DENND1A: variants seen among roughly 807,000 people sequenced by gnomAD.
DENND1A encodes the protein DENN domain containing 1A.
DENND1A carries 51 observed loss-of-function variants against 113.7 expected under a neutral mutation model. That is an observed-to-expected ratio of 0.45 (90% CI 0.36 to 0.57). DENND1A has a LOEUF of 0.57. Ranked by LOEUF, DENND1A falls within the 20% of genes least tolerant of loss-of-function variation. The pLI is 0.00. For synonymous variants in DENND1A, 565 were observed against 570.8 expected, an observed-to-expected ratio of 0.99 and a Z score of 0.14; for missense variants, 1,258 against 1,395.9, an observed-to-expected ratio of 0.90 and a Z score of 1.57.
chr9:123,481,003 A>C (rs1046127431), intron 13 of DENND1A, among the ~76,000 whole-genome samples: 2 of 152,244 alleles, frequency 1.3e-5, no homozygotes, highest in African/African-American at 4.8e-5. Context: ...CATAGAATGC[A>C]CTTCACACTG....
At chr9:123,488,251 C>T (rs950194738) in intron 13 of DENND1A, among the ~76,000 whole-genome samples, 59 of 152,336 alleles carry the variant, frequency 3.9e-4, no homozygotes, top group African/African-American at 1.4e-3. Flanking sequence ...TTCCCCCTCC[C>T]CCAGCTGCCT....
chr9:123,671,255 C>T (rs537162879), intron 7 of DENND1A, 36 bp downstream of exon 7: 36 of 1,609,548 alleles, frequency 2.2e-5, no homozygotes, highest in Non-Finnish European at 2.8e-5. Flanking sequence ...TAATGAAATG[C>T]GTTTTCAGTG....
Position 123,764,860 on chromosome 9 carries a change from C to T in DENND1A, c.182+4654G>A, listed in dbSNP as rs1313582326. On this transcript the variant is annotated intron_variant, in intron 4 of 23. Coordinates refer to ENST00000394215, the MANE Select transcript of DENND1A (RefSeq NM_001352964.2). This position sits in a 1 kb window ranked among gnomAD's most constrained non-coding sequence, Gnocchi z 4.1. The stretch of plus-strand genomic sequence containing the variant: ...GTAAAACCAAAACCAAAACCCAGAT[C>T]TCCTGCTTGCTGCCTACAATAGTCT... Among the ~76,000 whole-genome samples the T allele has an allele frequency of 1.3e-5, 2 of 152,180 alleles. No homozygotes were observed. Among genetic ancestry groups the T allele is most frequent in the African/African-American group, 4.8e-5 (2 of 41,454 alleles).
chr9:123,799,605 A>T (rs1383245929), intron 2 of DENND1A, among the ~76,000 whole-genome samples: 1 of 152,222 alleles, frequency 6.6e-6, no homozygotes, highest in African/African-American at 2.4e-5. Context: ...GGCTCATCCC[A>T]TAACACGGCA....
chr9:123,393,692 G>A (rs2042970304), intron 21 of DENND1A, among the ~76,000 whole-genome samples: 1 of 152,226 alleles, frequency 6.6e-6, no homozygotes, highest in Non-Finnish European at 1.5e-5. Context: ...CAGGGAGGAA[G>A]CAATGGAGAC....
chr9:123,877,417 A>G (rs1847653056), intron 2 of DENND1A, among the ~76,000 whole-genome samples: 1 of 151,936 alleles, frequency 6.6e-6, no homozygotes. Flanking sequence ...TGAATCCAGG[A>G]GGCGGAGGTT....
At chr9:123,626,404 T>C (rs1355987206) in intron 10 of DENND1A, among the ~76,000 whole-genome samples, 1 of 151,990 alleles carries the variant, frequency 6.6e-6, no homozygotes, top group Non-Finnish European at 1.5e-5. Flanking sequence ...GGGCTGGATG[T>C]CACTCCAGGA....
At chr9:123,914,484 G>T (rs978274968) in intron 1 of DENND1A, among the ~76,000 whole-genome samples, 13 of 142,830 alleles carry the variant, frequency 9.1e-5, no homozygotes, top group Admixed American at 7.9e-4. Flanking sequence ...GGCCAAGCTT[G>T]CAATAAGCCG....
At chr9:123,387,884 A>G (rs1193372019) in intron 21 of DENND1A, 26 bp from the exon 22 acceptor site, 2 of 1,287,918 alleles carry the variant, frequency 1.6e-6, no homozygotes, top group Non-Finnish European at 2.0e-6. Context: ...ACAAAAGAGA[A>G]GAGAACAGGC....
intron 13 of DENND1A, among the ~76,000 whole-genome samples, chr9:123,497,822 A>AG (rs1469250656): frequency 5.3e-5 from 8 of 151,932 alleles, no homozygotes; most frequent in Non-Finnish European, 1.5e-5. Flanking sequence ...CCAAAAAAAA[A>AG]AAAAAAAAAG....
intron 2 of DENND1A, among the ~76,000 whole-genome samples, chr9:123,830,299 ACTAAT>A (rs1839978121): frequency 6.6e-6 from 1 of 152,120 alleles, no homozygotes; most frequent in Admixed American, 6.5e-5. Context: ...GAAAAGCAAA[ACTAAT>A]CTATGGTAAC....
intron 13 of DENND1A, among the ~76,000 whole-genome samples, chr9:123,527,599 C>A (rs146143119): frequency 2.0e-5 from 3 of 152,242 alleles, no homozygotes; most frequent in East Asian, 3.9e-4. Context: ...CTTTGCTGAG[C>A]CCCAATTCCT....
At chr9:123,596,727 G>A (rs995615237) in intron 11 of DENND1A, among the ~76,000 whole-genome samples, 2 of 152,170 alleles carry the variant, frequency 1.3e-5, no homozygotes, top group Admixed American at 6.5e-5. Context: ...GAAACACAGT[G>A]GCAAGCAAGC....
chr9:123,605,418 T>C (rs903967856), intron 11 of DENND1A, among the ~76,000 whole-genome samples: 3 of 152,288 alleles, frequency 2.0e-5, no homozygotes, highest in East Asian at 3.9e-4. Flanking sequence ...TTGAGCTAAA[T>C]TGAGATCGCT....
chr9:123,526,521 C>T (rs1162592903), intron 13 of DENND1A, among the ~76,000 whole-genome samples: 2 of 152,182 alleles, frequency 1.3e-5, no homozygotes, highest in East Asian at 3.9e-4. Flanking sequence ...ATCATTTTCC[C>T]TCTCCCCCAG....
intron 16 of DENND1A, among the ~76,000 whole-genome samples, chr9:123,452,774 A>C (rs181089964): frequency 6.6e-6 from 1 of 152,178 alleles, no homozygotes; most frequent in Admixed American, 6.5e-5. Flanking sequence ...AAGCCGGGGC[A>C]GAAAGTGGGG....
chr9:123,869,154 T>C (rs1257102028), intron 2 of DENND1A, among the ~76,000 whole-genome samples: 2 of 152,242 alleles, frequency 1.3e-5, no homozygotes, highest in Non-Finnish European at 2.9e-5. Context: ...ACAGTCACAC[T>C]AGAATTCAAA....
At chr9:123,434,859 C>T (rs968246127) in intron 19 of DENND1A, among the ~76,000 whole-genome samples, 5 of 152,154 alleles carry the variant, frequency 3.3e-5, no homozygotes, top group Admixed American at 3.3e-4. Context: ...TACAGTGGAC[C>T]CGGCAAGGCC....
At chr9:123,478,091 G>A (rs1440564962) in intron 13 of DENND1A, among the ~76,000 whole-genome samples, 1 of 152,172 alleles carries the variant, frequency 6.6e-6, no homozygotes, top group African/African-American at 2.4e-5. Context: ...CTGGATTTAT[G>A]ATCTCCTAAT....
Sources: allele counts gnomAD v4.1 joint callset (sites outside exome capture counted in the v4.1 genomes callset), GRCh38; gene constraint gnomAD v4.1.1; non-coding constraint Gnocchi (gnomAD v3.1); transcripts MANE v1.5; gene names NCBI Gene and HGNC (gene_info 2026-07-23, HGNC 2026-07-21).